CADM2: variants seen among roughly 807,000 people sequenced by gnomAD.
CADM2 encodes the protein cell adhesion molecule 2.
A neutral mutation model predicts 49.8 loss-of-function variants in CADM2; 12 were observed. The observed-to-expected ratio is 0.24, with a 90% CI of 0.15 to 0.39. The LOEUF (loss-of-function observed/expected upper bound fraction) is 0.39, where lower values mean the gene tolerates loss of function less well. CADM2 is among the 10% of genes least tolerant of loss of function. The pLI, the probability that CADM2 is intolerant of heterozygous loss-of-function variation, is 1.00. For synonymous variants in CADM2, 214 were observed against 175.4 expected (o/e 1.22, Z -1.74); for missense variants, 378 against 492.3 (o/e 0.77, Z 2.20).
intron 1 of CADM2, among the ~76,000 whole-genome samples, chr3:85,182,394 A>AATGAGAT (rs1483899812): frequency 2.0e-5 from 3 of 152,102 alleles, no homozygotes; most frequent in African/African-American, 7.2e-5. Context: ...CCCATAATAT[A>AATGAGAT]ATGAGATATG....
chr3:85,593,560 T>C (rs903213662), intron 1 of CADM2, among the ~76,000 whole-genome samples: 2 of 152,038 alleles, frequency 1.3e-5, no homozygotes, highest in Non-Finnish European at 1.5e-5. Flanking sequence ...TTCCTAGTGA[T>C]CTGCAAATAG....
chr3:85,218,280 A>C (rs896057868), intron 1 of CADM2, among the ~76,000 whole-genome samples: 1 of 152,136 alleles, frequency 6.6e-6, no homozygotes, highest in African/African-American at 2.4e-5. Context: ...GTAATTTAGA[A>C]ATAAAAAAAT....
At chr3:85,874,522 T>G (rs1423560370) in intron 3 of CADM2, among the ~76,000 whole-genome samples, 1 of 152,132 alleles carries the variant, frequency 6.6e-6, no homozygotes, top group Non-Finnish European at 1.5e-5. Context: ...GGTGATGGTT[T>G]TATAGTTAGA....
intron 1 of CADM2, among the ~76,000 whole-genome samples, chr3:85,233,348 T>C (rs2042340507): frequency 6.6e-6 from 1 of 152,112 alleles, no homozygotes; most frequent in African/African-American, 2.4e-5. Flanking sequence ...CCCATAGGCC[T>C]TTATAATACA....
At position 85,954,112 on chromosome 3, in the gene CADM2, A is replaced by G. The variant is rs1226229657; in HGVS notation, c.792-7357A>G. ...ATTTGATATTTAAAGAATTGCTGCC[A>G]TAAAAGTATGAAATCAATACCAAGA... On this transcript the variant is annotated intron_variant, in intron 7 of 9. Transcript: ENST00000383699. 2.6e-5 allele frequency among the ~76,000 whole-genome samples: 4 copies of G among 151,170 alleles called. No homozygotes were observed. In the East Asian group the frequency reaches 7.8e-4, roughly 30 times the overall value.
intron 1 of CADM2, among the ~76,000 whole-genome samples, chr3:85,657,710 AC>A: frequency 1.7e-5 from 1 of 59,050 alleles, no homozygotes. Flanking sequence ...ATATATATAC[AC>A]AGATATATAT....
At chr3:85,169,083 T>G (rs7633256) in intron 1 of CADM2, among the ~76,000 whole-genome samples, 140,838 of 152,134 alleles carry the variant, frequency 0.93, 65,468 homozygotes, top group East Asian at 1. Flanking sequence ...CTCAGGAGTA[T>G]CTGGGGTTAC....
chr3:85,161,054 A>C (rs984529167), intron 1 of CADM2, among the ~76,000 whole-genome samples: 1 of 152,200 alleles, frequency 6.6e-6, no homozygotes, highest in Non-Finnish European at 1.5e-5. Flanking sequence ...AAATATAATA[A>C]GATGAACTAT....
chr3:85,355,978 ATGT>A (rs1381622147), intron 1 of CADM2, among the ~76,000 whole-genome samples: 1 of 152,148 alleles, frequency 6.6e-6, no homozygotes, highest in Non-Finnish European at 1.5e-5. Flanking sequence ...GGAGATATAA[ATGT>A]TGTGATCCAC....
chr3:85,530,367 G>C (rs1393311345), intron 1 of CADM2, among the ~76,000 whole-genome samples: 1 of 122,430 alleles, frequency 8.2e-6, no homozygotes, highest in Non-Finnish European at 1.6e-5. Context: ...GTCTCACTCT[G>C]TCGCCCAGGC....
At chr3:85,012,318 CT>C (rs112790100) in intron 1 of CADM2, among the ~76,000 whole-genome samples, 11,108 of 141,908 alleles carry the variant, frequency 0.078, 1,305 homozygotes, top group African/African-American at 0.26. Context: ...TTGCAAAATG[CT>C]TTTTTTTTTT....
At chr3:85,809,763 CCTCT>C (rs575170244) in intron 3 of CADM2, among the ~76,000 whole-genome samples, 1,948 of 51,906 alleles carry the variant, frequency 0.038, 61 homozygotes, top group Non-Finnish European at 0.048. Flanking sequence ...TCCCTCCCTC[CCTCT>C]CTCTCTCTCT....
chr3:85,082,283 G>T (rs1198542233), intron 1 of CADM2, among the ~76,000 whole-genome samples: 2 of 152,090 alleles, frequency 1.3e-5, no homozygotes, highest in South Asian at 2.1e-4. Flanking sequence ...TATGTACTTT[G>T]CTTGGGACCT....
chr3:85,743,798 T>C (rs2107834317), intron 2 of CADM2, among the ~76,000 whole-genome samples: 1 of 152,276 alleles, frequency 6.6e-6, no homozygotes, highest in African/African-American at 2.4e-5. Flanking sequence ...AAGTATTTAT[T>C]AAAACATCTC....
chr3:85,629,202 A>C (rs1265592080), intron 1 of CADM2, among the ~76,000 whole-genome samples: 1 of 151,836 alleles, frequency 6.6e-6, no homozygotes, highest in African/African-American at 2.4e-5. Context: ...TGTGGACAGC[A>C]CTTTATTGAT....
intron 6 of CADM2, among the ~76,000 whole-genome samples, chr3:85,921,057 CAAT>C (rs1426427597): frequency 6.6e-6 from 1 of 151,540 alleles, no homozygotes; most frequent in Non-Finnish European, 1.5e-5. Flanking sequence ...TGAATGTTTT[CAAT>C]TATTTTTAAG....
intron 1 of CADM2, among the ~76,000 whole-genome samples, chr3:85,702,455 C>T (rs1268947773): frequency 6.6e-6 from 1 of 152,040 alleles, no homozygotes; most frequent in Non-Finnish European, 1.5e-5. Flanking sequence ...CAACATGAAC[C>T]CTCATATTTT....
chr3:85,627,035 T>C (rs1022038267), intron 1 of CADM2, among the ~76,000 whole-genome samples: 6 of 152,064 alleles, frequency 3.9e-5, no homozygotes, highest in Non-Finnish European at 5.9e-5. Context: ...TTAGCATTAG[T>C]AAGAGGCTCC....
At chr3:85,969,616 G>A (rs181626139) in intron 8 of CADM2, among the ~76,000 whole-genome samples, 3 of 150,916 alleles carry the variant, frequency 2.0e-5, no homozygotes, top group African/African-American at 7.3e-5. Context: ...ATGTTTGTGT[G>A]TCTATATATA....
Sources: allele counts gnomAD v4.1 joint callset (sites outside exome capture counted in the v4.1 genomes callset), GRCh38; gene constraint gnomAD v4.1.1; transcripts MANE v1.5; gene names NCBI Gene and HGNC (gene_info 2026-07-23, HGNC 2026-07-21).